RBM4: variants seen among roughly 807,000 people sequenced by gnomAD.
RBM4 encodes the protein RNA binding motif protein 4.
In RBM4, 7 loss-of-function variants were observed where a neutral mutation model predicts 29.5. The observed-to-expected ratio is 0.24, with a 90% CI of 0.14 to 0.45. The LOEUF is 0.45. RBM4 is among the 20% of genes least tolerant of loss of function. The pLI, the probability that RBM4 is intolerant of heterozygous loss-of-function variation, is 1.00. For missense variants in RBM4, 387 were observed against 502.3 expected, an observed-to-expected ratio of 0.77 and a Z score of 2.19; for synonymous variants, 220 against 205.4, an observed-to-expected ratio of 1.07 and a Z score of -0.61.
chr11:66,639,254 A>C, intron 1 of RBM4: 1 of 164,862 alleles, frequency 6.1e-6, no homozygotes. Flanking sequence ...AAATGTAGCT[A>C]TTACAAGGCC....
At chr11:66,649,437 A>G (rs1938778589), downstream of RBM4, among the ~76,000 whole-genome samples, 2 of 152,234 alleles carry the variant, frequency 1.3e-5, no homozygotes, top group African/African-American at 4.8e-5. Context: ...TCCAGCTACT[A>G]AGAGGCTGAA....
At chr11:66,664,654 T>C (rs1342841880) in intron 2 of RBM4, among the ~76,000 whole-genome samples, 1 of 151,902 alleles carries the variant, frequency 6.6e-6, no homozygotes, top group African/African-American at 2.4e-5. Context: ...GAGATGGGGT[T>C]TCACGATATT....
At chr11:66,664,270 C>CCT (rs1056437152) in intron 2 of RBM4, among the ~76,000 whole-genome samples, 13 of 150,890 alleles carry the variant, frequency 8.6e-5, no homozygotes, top group African/African-American at 2.9e-4. Context: ...CCTGCCTCAG[C>CCT]CTCCCAAGTG....
chr11:66,643,714 G>A lies in RBM4; in HGVS notation c.677G>A (p.Arg226His), dbSNP rs1485884851. The change falls in exon 3 of 4, where the codon CGT becomes CAT. Residue 226 changes from arginine (R) to histidine (H), a missense_variant. Transcript: ENST00000310092. The surrounding 1 kb of genome is among the most constrained non-coding windows in gnomAD (Gnocchi z 6.1). The part of the protein sequence containing the change: ...GALDAYYKRC[R>H]AARSYEAVAA... Reference sequence around the variant, plus strand: ...CTCGATGCCTACTACAAGCGCTGCCGTGCTGCCCGGTCCTATGAGGCAGTG... The same window carrying A: ...CTCGATGCCTACTACAAGCGCTGCCATGCTGCCCGGTCCTATGAGGCAGTG... 3 of 1,614,100 alleles carry A rather than the reference G, an allele frequency of 1.9e-6. No individual in the cohort carries two copies. The highest frequency in any genetic ancestry group is 2.5e-6 in the Non-Finnish European group (3 of 1,180,012).
chr11:66,648,821 A>C (rs1469202539), downstream of RBM4, among the ~76,000 whole-genome samples: 2 of 151,498 alleles, frequency 1.3e-5, no homozygotes, highest in African/African-American at 4.9e-5. Flanking sequence ...TCAAAAAAAA[A>C]ATTTTTTTTT....
intron 2 of RBM4, among the ~76,000 whole-genome samples, chr11:66,656,748 C>T (rs1938956941): frequency 1.3e-5 from 2 of 152,062 alleles, no homozygotes; most frequent in African/African-American, 2.4e-5. Context: ...GCAATCTCCA[C>T]CTCCCGGGTT....
At chr11:66,656,468 G>C (rs189217388) in intron 2 of RBM4, among the ~76,000 whole-genome samples, 22 of 151,972 alleles carry the variant, frequency 1.4e-4, no homozygotes, top group Non-Finnish European at 2.6e-4. Flanking sequence ...GTAGAGACGG[G>C]GATTCTCCAT....
At chr11:66,666,998 C>A (rs188127015) in exon 3 of RBM4, 1 of 151,678 alleles carries the variant, frequency 6.6e-6, no homozygotes, top group African/African-American at 2.4e-5. Context: ...CTCCTGGGCT[C>A]AAGGGATCCT....
downstream of RBM4, chr11:66,646,612 T>C (rs1394914381): frequency 4.2e-6 from 4 of 957,394 alleles, no homozygotes; most frequent in Non-Finnish European, 5.0e-6. Context: ...GTAGGACTTG[T>C]AGGTGCCAGA....
downstream of RBM4, among the ~76,000 whole-genome samples, chr11:66,650,660 A>G (rs527565449): frequency 5.9e-5 from 9 of 151,810 alleles, no homozygotes; most frequent in South Asian, 1.9e-3. Context: ...TCAGGAGATC[A>G]AGACCATCCT....
intron 2 of RBM4, among the ~76,000 whole-genome samples, chr11:66,658,626 A>G (rs991151157): frequency 6.6e-6 from 1 of 151,762 alleles, no homozygotes; most frequent in Admixed American, 6.6e-5. Flanking sequence ...CGAGTACCAA[A>G]TACCTATGGG....
At chr11:66,641,893 ACTT>A (rs1362986071) in intron 2 of RBM4, among the ~76,000 whole-genome samples, 1 of 151,992 alleles carries the variant, frequency 6.6e-6, no homozygotes, top group Non-Finnish European at 1.5e-5. Flanking sequence ...TTAAAATTTA[ACTT>A]CTTTTTCTGG....
rs1938581598 is a variant in RBM4 at position 66,644,021 on chromosome 11, G to T, written c.984G>T (p.Gly328=). ...CTGTTGGAGAGGGCTACGGTTACGG[G>T]CATGAGAGTGAGTTGTCCCAAGCTT... ...VPTVGEGYGY[G]HESELSQASA... is the part of the protein sequence containing the mutation. The change falls in exon 3 of 4, where the codon GGG becomes GGT. Residue 328 remains glycine, a synonymous_variant. Coordinates refer to ENST00000310092, the MANE Select transcript of RBM4 (RefSeq NM_002896.4). 6.2e-7 allele frequency: 1 copy of T among 1,613,652 alleles called. No homozygotes were observed. Among genetic ancestry groups the T allele is most frequent in the Admixed American group, 1.7e-5 (1 of 60,014 alleles).
chr11:66,654,893 C>A (rs1010582319), intron 2 of RBM4, among the ~76,000 whole-genome samples: 13 of 151,714 alleles, frequency 8.6e-5, no homozygotes, highest in Non-Finnish European at 1.6e-4. Context: ...GGCGCCATTT[C>A]GGCTCACTAC....
At chr11:66,641,403 TAAAG>T (rs1285820582) in intron 2 of RBM4, among the ~76,000 whole-genome samples, 1 of 152,220 alleles carries the variant, frequency 6.6e-6, no homozygotes, top group African/African-American at 2.4e-5. Context: ...TGTGCGTTAG[TAAAG>T]AAAAGTGACA....
At chr11:66,666,110 T>C in exon 3 of RBM4, 2 of 808,694 alleles carry the variant, frequency 2.5e-6, no homozygotes, top group Non-Finnish European at 3.8e-6. Flanking sequence ...CACCTACATG[T>C]CACACTGTCA....
intron 2 of RBM4, among the ~76,000 whole-genome samples, chr11:66,642,061 T>C (rs916265595): frequency 5.3e-5 from 8 of 152,240 alleles, no homozygotes; most frequent in African/African-American, 9.6e-5. Context: ...GCTAGCACTT[T>C]AAGGCACTTA....
At chr11:66,649,642 T>A, downstream of RBM4, 1 of 645,194 alleles carries the variant, frequency 1.5e-6, no homozygotes, top group Non-Finnish European at 2.8e-6. Context: ...TATCTTTGAG[T>A]GGAAGCCACA....
At chr11:66,657,109 T>G (rs1026641596) in intron 2 of RBM4, among the ~76,000 whole-genome samples, 2 of 86,202 alleles carry the variant, frequency 2.3e-5, no homozygotes, top group Non-Finnish European at 4.3e-5. Context: ...TTTTTTAGTC[T>G]TTTTTTTTTT....
Sources: allele counts gnomAD v4.1 joint callset (sites outside exome capture counted in the v4.1 genomes callset), GRCh38; gene constraint gnomAD v4.1.1; non-coding constraint Gnocchi (gnomAD v3.1); transcripts MANE v1.5; gene names NCBI Gene and HGNC (gene_info 2026-07-23, HGNC 2026-07-21).